Variants in ARFGEF2 observed in about 807,000 individuals in gnomAD.
ARFGEF2 encodes the protein ARF guanine nucleotide exchange factor 2, also known as brefeldin A-inhibited guanine nucleotide-exchange protein 2.
A neutral mutation model predicts 219.9 loss-of-function variants in ARFGEF2; 74 were observed. The ratio of observed to expected loss-of-function variants is 0.34; its 90% CI spans 0.28 to 0.41. ARFGEF2 has a LOEUF of 0.41. Among genes scored for constraint, ARFGEF2 ranks in the 10% least tolerant of loss-of-function variants. ARFGEF2 has a pLI of 1.00. For missense variants in ARFGEF2, 1,743 were observed against 2,218.3 expected (o/e 0.79, Z 4.30); for synonymous variants, 733 against 799.2 (o/e 0.92, Z 1.40).
intron 25 of ARFGEF2, among the ~76,000 whole-genome samples, chr20:48,999,466 T>C (rs2091411408): frequency 6.7e-6 from 1 of 150,224 alleles, no homozygotes; most frequent in South Asian, 2.1e-4. Flanking sequence ...GAAATGTATG[T>C]GGCCGGGCGT....
chr20:48,935,246 C>T (rs571693000), intron 1 of ARFGEF2, among the ~76,000 whole-genome samples: 20 of 152,178 alleles, frequency 1.3e-4, no homozygotes, highest in South Asian at 1.2e-3. Flanking sequence ...TGCGGCCTTC[C>T]GCAGTGTTTG....
At chr20:48,968,090 T>A (rs997314781) in intron 8 of ARFGEF2, among the ~76,000 whole-genome samples, 31 of 151,984 alleles carry the variant, frequency 2.0e-4, no homozygotes, top group African/African-American at 7.5e-4. Context: ...GCCTCCCAGG[T>A]TCATGCCATT....
intron 38 of ARFGEF2, among the ~76,000 whole-genome samples, 184 bp downstream of exon 38, chr20:49,032,350 G>A (rs907705024): frequency 1.3e-5 from 2 of 152,104 alleles, no homozygotes; most frequent in African/African-American, 4.8e-5. Flanking sequence ...AGGATATTAG[G>A]GCTTTTTGCC....
intron 4 of ARFGEF2, among the ~76,000 whole-genome samples, 195 bp downstream of exon 4, chr20:48,951,664 G>T (rs1432618174): frequency 6.6e-6 from 1 of 152,128 alleles, no homozygotes; most frequent in East Asian, 1.9e-4. Context: ...AATGGAACCA[G>T]GTGTGTTTTC....
chr20:48,952,923 T>C (rs758718701), intron 5 of ARFGEF2, 39 bp downstream of exon 5: 1 of 1,604,644 alleles, frequency 6.2e-7, no homozygotes, highest in South Asian at 1.1e-5. Flanking sequence ...CAAGACATCA[T>C]TGCTCTCTGA....
chr20:48,965,389 AAATCTGTGT>A (rs1242903079), intron 7 of ARFGEF2, among the ~76,000 whole-genome samples: 55 of 152,302 alleles, frequency 3.6e-4, no homozygotes, highest in African/African-American at 1.3e-3. Flanking sequence ...TTAAATGATG[AAATCTGTGT>A]AATTCTTTAT....
At chr20:48,963,756 T>C (rs2091169204) in intron 6 of ARFGEF2, 74 bp from the exon 7 acceptor site, 2 of 1,455,492 alleles carry the variant, frequency 1.4e-6, no homozygotes, top group Admixed American at 1.7e-5. Flanking sequence ...CTCCCCATAA[T>C]CTCCTTTTCC....
chr20:48,932,459 T>A (rs894447289), intron 1 of ARFGEF2, among the ~76,000 whole-genome samples: 4 of 152,242 alleles, frequency 2.6e-5, no homozygotes, highest in Non-Finnish European at 5.9e-5. Context: ...TAATTGGGGC[T>A]CTGTAGGCCT....
chr20:48,962,079 C>T (rs891600260), intron 6 of ARFGEF2, among the ~76,000 whole-genome samples: 3 of 151,968 alleles, frequency 2.0e-5, no homozygotes, highest in Non-Finnish European at 4.4e-5. Flanking sequence ...GCTCAGGAGG[C>T]TGAGACAGGA....
rs991815117 is a variant in ARFGEF2 at position 49,028,721 on chromosome 20, C to T, written c.5063+53C>T. On this transcript the variant is annotated intron_variant, in intron 37 of 38. Coordinates refer to ENST00000371917, the MANE Select transcript of ARFGEF2 (RefSeq NM_006420.3). ...TCTATCTGCTATATACAAAATGCATCACAGCAATACTGTGGATTGAAAAGA... is the reference window on the plus strand; with the variant it reads ...TCTATCTGCTATATACAAAATGCATTACAGCAATACTGTGGATTGAAAAGA... 9.0e-6 allele frequency: 14 copies of T among 1,562,868 alleles called. No homozygotes were observed. In the Admixed American group the frequency reaches 2.1e-4, roughly 24 times the overall value.
intron 25 of ARFGEF2, 57 bp downstream of exon 25, chr20:48,998,562 G>A: frequency 6.5e-7 from 1 of 1,538,678 alleles, no homozygotes; most frequent in East Asian, 2.3e-5. Context: ...GTAGACAACT[G>A]AATTCAAAAA....
intron 27 of ARFGEF2, 45 bp downstream of exon 27, chr20:49,010,449 C>G (rs771073045): frequency 1.2e-6 from 2 of 1,604,044 alleles, no homozygotes; most frequent in Non-Finnish European, 1.7e-6. Context: ...ACCTGCAAGT[C>G]TAGAAGAGTG....
At chr20:49,020,019 A>T (rs935180655) in intron 34 of ARFGEF2, among the ~76,000 whole-genome samples, 11 of 152,232 alleles carry the variant, frequency 7.2e-5, no homozygotes, top group Non-Finnish European at 1.3e-4. Context: ...GTATTGTTTC[A>T]TGTAATCCTC....
chr20:48,964,479 C>A (rs1420506638), intron 7 of ARFGEF2, among the ~76,000 whole-genome samples: 2 of 152,312 alleles, frequency 1.3e-5, no homozygotes, highest in South Asian at 2.1e-4. Flanking sequence ...ATTCCATATG[C>A]CTTGTAGATT....
intron 1 of ARFGEF2, among the ~76,000 whole-genome samples, chr20:48,938,046 G>A (rs189815001): frequency 3.9e-5 from 6 of 152,226 alleles, no homozygotes; most frequent in South Asian, 2.1e-4. Flanking sequence ...TTCGAGAGTC[G>A]AGGTATCCAG....
At chr20:48,992,842 A>C (rs1430912620) in intron 21 of ARFGEF2, among the ~76,000 whole-genome samples, 1 of 152,202 alleles carries the variant, frequency 6.6e-6, no homozygotes, top group Non-Finnish European at 1.5e-5. Context: ...CAGGAGTTCC[A>C]GACCAGCCTG....
Position 49,033,055 on chromosome 20 carries a change from C to T in ARFGEF2, c.5214C>T (p.Tyr1738=). ...FKAHASMYYP[Y]LCEIMQFDLI... Reference sequence around the variant, plus strand: ...CACATGCTTCAATGTACTACCCCTACTTGTGTGAAATTATGCAGTTTGACC... The same window carrying T: ...CACATGCTTCAATGTACTACCCCTATTTGTGTGAAATTATGCAGTTTGACC... Residue 1738 remains tyrosine, a synonymous_variant, in exon 39 of 39, where the codon TAC becomes TAT. Transcript: ENST00000371917. The T allele has an allele frequency of 6.2e-7, 1 of 1,614,168 alleles. No individual in the cohort carries two copies. The highest frequency in any genetic ancestry group is 8.5e-7 in the Non-Finnish European group (1 of 1,180,030).
chr20:48,998,318 G>A lies in ARFGEF2; in HGVS notation c.3263-18G>A, dbSNP rs2091404163. 2 of 1,614,188 alleles carry A rather than the reference G, an allele frequency of 1.2e-6. No homozygotes were observed. On this transcript the variant is annotated intron_variant, in intron 24 of 38. Coordinates refer to ENST00000371917, the MANE Select transcript of ARFGEF2 (RefSeq NM_006420.3). ...TTCCTAACGAGGCTTTGCTTGTGTT[G>A]TTGGGTCTGGCCTGTAGTTGACTTT...
At chr20:48,953,246 G>T (rs1484975897) in intron 5 of ARFGEF2, among the ~76,000 whole-genome samples, 4 of 150,654 alleles carry the variant, frequency 2.7e-5, no homozygotes, top group Non-Finnish European at 4.4e-5. Flanking sequence ...CAGGATCATG[G>T]CTCACTGCAG....
Sources: allele counts gnomAD v4.1 joint callset (sites outside exome capture counted in the v4.1 genomes callset), GRCh38; gene constraint gnomAD v4.1.1; transcripts MANE v1.5; gene names NCBI Gene and HGNC (gene_info 2026-07-23, HGNC 2026-07-21).